IFT74: variants seen among roughly 807,000 people sequenced by gnomAD.
The protein encoded by IFT74 is intraflagellar transport protein 74 homolog.
Under a neutral mutation model 96.7 loss-of-function variants are expected in IFT74, and 92 were observed. The observed-to-expected ratio is 0.95, with a 90% CI of 0.80 to 1.13. The LOEUF (loss-of-function observed/expected upper bound fraction) is 1.13, where lower values mean the gene tolerates loss of function less well. IFT74 is among the 50% of genes most tolerant of loss of function. IFT74 has a pLI of 0.00. For synonymous variants in IFT74, 223 were observed against 213.2 expected (o/e 1.05, Z -0.40); for missense variants, 811 against 698.2 (o/e 1.16, Z -1.82).
At position 26,990,016 on chromosome 9, in the gene IFT74, A is replaced by G. The variant is rs1827797434; in HGVS notation, c.526-118A>G. On this transcript the variant is annotated intron_variant, in intron 7 of 19. Transcript: ENST00000380062. Reference sequence around the variant, plus strand: ...CTTTATTTTTCTTCTTAAACTTTGTATGTGGCACTAGGATAATTATAGTAA... The same window carrying G: ...CTTTATTTTTCTTCTTAAACTTTGTGTGTGGCACTAGGATAATTATAGTAA... 8.5e-6 allele frequency: 4 copies of G among 467,992 alleles called. No individual in the cohort carries two copies. In the South Asian group the frequency reaches 1.5e-4, roughly 18 times the overall value. 29.0% of individuals were successfully genotyped at this position (467,992 alleles called of 1,614,324 possible).
At chr9:27,033,727 C>G (rs965708060) in intron 13 of IFT74, among the ~76,000 whole-genome samples, 1 of 151,822 alleles carries the variant, frequency 6.6e-6, no homozygotes, top group African/African-American at 2.4e-5. Flanking sequence ...CAGTGCTGCA[C>G]TAGTACATTC....
intron 13 of IFT74, among the ~76,000 whole-genome samples, chr9:27,034,607 C>T (rs1830266480): frequency 6.6e-6 from 1 of 152,206 alleles, no homozygotes; most frequent in African/African-American, 2.4e-5. Flanking sequence ...TGACTTACCG[C>T]AACCTCCACC....
chr9:26,961,275 A>G (rs1372392775), intron 1 of IFT74, among the ~76,000 whole-genome samples: 21 of 151,894 alleles, frequency 1.4e-4, no homozygotes, highest in Admixed American at 1.4e-3. Flanking sequence ...TATTTTTAGT[A>G]GAGACGGGGT....
At position 27,047,294 on chromosome 9, in the gene IFT74, G is replaced by A; in HGVS notation, c.1129G>A (p.Glu377Lys). Residue 377 changes from glutamate (E) to lysine (K), a missense_variant, in exon 15 of 20, where the codon GAA becomes AAA. By Grantham distance (56) the Glu-to-Lys change is moderately conservative (BLOSUM62 1). Transcript: ENST00000380062. ...GTCAGCTTTTATTGAGACTTTTGAG[G>A]AAACAAAGAATCAGGAACTGAAACG... is the stretch of plus-strand genomic sequence containing the variant. ...HMDTFIETFE[E>K]TKNQELKRKA... The A allele has an allele frequency of 6.2e-7, 1 of 1,611,988 alleles. No individual in the cohort carries two copies. Among genetic ancestry groups the A allele is most frequent in the Non-Finnish European group, 8.5e-7 (1 of 1,178,424 alleles).
chr9:26,965,003 A>G (rs977297456), intron 2 of IFT74, among the ~76,000 whole-genome samples: 1 of 152,198 alleles, frequency 6.6e-6, no homozygotes, highest in Non-Finnish European at 1.5e-5. Flanking sequence ...CATTTTCGTT[A>G]TCATTATAAT....
chr9:27,004,508 G>A (rs1189056551), intron 8 of IFT74, among the ~76,000 whole-genome samples: 1 of 152,182 alleles, frequency 6.6e-6, no homozygotes, highest in African/African-American at 2.4e-5. Flanking sequence ...ATGACACTGA[G>A]TAAGTCCCCA....
chr9:26,961,849 A>G, intron 1 of IFT74, 100 bp from the exon 2 acceptor site: 2 of 1,298,974 alleles, frequency 1.5e-6, no homozygotes, highest in Non-Finnish European at 2.2e-6. Flanking sequence ...GGCAGTTTGC[A>G]AGAACAATTG....
At chr9:26,969,949 A>AT (rs1826813266) in intron 2 of IFT74, among the ~76,000 whole-genome samples, 2 of 151,718 alleles carry the variant, frequency 1.3e-5, no homozygotes, top group African/African-American at 4.8e-5. Context: ...GTGGCTGACA[A>AT]TTTTTTTGTT....
Position 27,048,185 on chromosome 9 carries a change from A to T in IFT74, c.1244A>T (p.Asn415Ile), listed in dbSNP as rs1819775110. The change falls in exon 16 of 20, where the codon AAT (asparagine) becomes ATT (isoleucine). Residue 415 changes from asparagine to isoleucine, a missense_variant. Transcript: ENST00000380062. The stretch of plus-strand genomic sequence containing the variant: ...ATAGAACAGATATCCTCTATCACCA[A>T]TCAAGAGCTAAAGATGATGCAGGAT... ...NRIEQISSIT[N>I]QELKMMQDDL... 2 of 1,600,812 alleles carry T rather than the reference A, an allele frequency of 1.2e-6. No individual in the cohort carries two copies. Among genetic ancestry groups the T allele is most frequent in the Non-Finnish European group, 1.7e-6 (2 of 1,169,226 alleles).
At chr9:27,061,483 A>G (rs1222863218) in intron 19 of IFT74, among the ~76,000 whole-genome samples, 11 of 152,026 alleles carry the variant, frequency 7.2e-5, no homozygotes, top group South Asian at 2.1e-4. Flanking sequence ...GGTCTCGCCA[A>G]CTTAGCCAGG....
intron 8 of IFT74, among the ~76,000 whole-genome samples, chr9:27,006,713 A>C (rs1466434296): frequency 6.6e-6 from 1 of 150,840 alleles, no homozygotes; most frequent in Non-Finnish European, 1.5e-5. Context: ...AGGAAAAGGA[A>C]GGAAGGAAAG....
chr9:27,009,985 A>G (rs1459370782), intron 9 of IFT74, among the ~76,000 whole-genome samples: 1 of 147,848 alleles, frequency 6.8e-6, no homozygotes, highest in South Asian at 2.1e-4. Context: ...TTTTTTTTTT[A>G]ATTTAAAAAA....
Position 27,047,379 on chromosome 9 carries a change from C to T in IFT74, c.1206+8C>T, listed in dbSNP as rs375786404. ...TTGGAGCACTGCAGTCGAGTGAGTA[C>T]CATGTGCCTGTCTTGGTGTCCTCTT... is the stretch of plus-strand genomic sequence containing the variant. On this transcript the variant is annotated splice_region_variant and intron_variant, in intron 15 of 19. Coordinates refer to ENST00000380062, the MANE Select transcript of IFT74 (RefSeq NM_025103.4). 3.9e-6 allele frequency: 6 copies of T among 1,556,424 alleles called. No individual in the cohort carries two copies. Among genetic ancestry groups the T allele is most frequent in the Admixed American group, 1.8e-5 (1 of 56,998 alleles).
At chr9:26,988,872 C>T (rs1827750745) in intron 7 of IFT74, 144 bp downstream of exon 7, 10 of 761,166 alleles carry the variant, frequency 1.3e-5, no homozygotes, top group Admixed American at 4.5e-5. Flanking sequence ...ATTAGGTATT[C>T]CTTGAGCTCC....
chr9:26,963,651 C>T (rs972370982), intron 2 of IFT74, among the ~76,000 whole-genome samples: 1 of 151,886 alleles, frequency 6.6e-6, no homozygotes. Flanking sequence ...GATCGCCATT[C>T]TAACTGGTGT....
chr9:27,020,418 T>A (rs1587365400), intron 12 of IFT74, among the ~76,000 whole-genome samples: 1 of 151,944 alleles, frequency 6.6e-6, no homozygotes, highest in Non-Finnish European at 1.5e-5. Context: ...AAGAGAATAT[T>A]TTTTTCTTTT....
At chr9:26,953,701 G>C (rs562568397), upstream of IFT74, among the ~76,000 whole-genome samples, 10 of 149,852 alleles carry the variant, frequency 6.7e-5, no homozygotes, top group East Asian at 7.7e-4. Context: ...TGTAGGGGGG[G>C]GGTCTCACTA....
At position 27,051,171 on chromosome 9, in the gene IFT74, A is replaced by T. The variant is rs1041298848; in HGVS notation, c.1333+2897A>T. 2.0e-5 allele frequency among the ~76,000 whole-genome samples: 3 copies of T among 152,186 alleles called. No individual in the cohort carries two copies. In the East Asian group the frequency reaches 5.8e-4, roughly 29 times the overall value. On this transcript the variant is annotated intron_variant, in intron 16 of 19. Coordinates refer to ENST00000380062, the MANE Select transcript of IFT74 (RefSeq NM_025103.4). The stretch of plus-strand genomic sequence containing the variant: ...TTTTCTAAAATCCAAAGAATTCTGC[A>T]TTCTGAAATAGAACTGCCCAAGGGT...
chr9:26,961,859 G>A, intron 1 of IFT74, 90 bp from the exon 2 acceptor site: 3 of 1,382,234 alleles, frequency 2.2e-6, no homozygotes, highest in Non-Finnish European at 2.0e-6. Flanking sequence ...AAGAACAATT[G>A]TTGTGAATTA....
Sources: allele counts gnomAD v4.1 joint callset (sites outside exome capture counted in the v4.1 genomes callset), GRCh38; gene constraint gnomAD v4.1.1; transcripts MANE v1.5; gene names NCBI Gene and HGNC (gene_info 2026-07-23, HGNC 2026-07-21).